RNF10: variants seen among roughly 807,000 people sequenced by gnomAD.
RNF10 encodes the protein E3 ubiquitin-protein ligase RNF10.
In RNF10, 38 loss-of-function variants were observed where a neutral mutation model predicts 91.4. That is an observed-to-expected ratio of 0.42 (90% CI 0.32 to 0.54). The LOEUF is 0.54. Ranked by LOEUF, RNF10 falls within the 20% of genes least tolerant of loss-of-function variation. The probability of loss-of-function intolerance (pLI) is 0.16; values close to 1 mark genes in which losing one functional copy is unlikely to be tolerated. For synonymous variants in RNF10, 364 were observed against 366.3 expected, an observed-to-expected ratio of 0.99 and a Z score of 0.07; for missense variants, 945 against 1,012.0, an observed-to-expected ratio of 0.93 and a Z score of 0.90.
intron 12 of RNF10, among the ~76,000 whole-genome samples, chr12:120,566,201 T>C (rs536979143): frequency 7.9e-5 from 12 of 152,328 alleles, no homozygotes; most frequent in Admixed American, 7.2e-4. Context: ...GTTTGGCACA[T>C]GTCCTGAACT....
chr12:120,542,419 G>A (rs1459985985), intron 1 of RNF10, among the ~76,000 whole-genome samples: 3 of 152,190 alleles, frequency 2.0e-5, no homozygotes, highest in Admixed American at 2.0e-4. Flanking sequence ...TTCCCAAAGT[G>A]TTGAGACAAC....
chr12:120,558,645 T>C (rs1472535101), intron 6 of RNF10, among the ~76,000 whole-genome samples: 6 of 151,634 alleles, frequency 4.0e-5, no homozygotes, highest in Admixed American at 3.9e-4. Flanking sequence ...CTTGGCTCAC[T>C]GCAACCTCTG....
chr12:120,571,155 G>A (rs2280168), intron 13 of RNF10, 36 bp from the exon 14 acceptor site: 184,602 of 1,448,064 alleles, frequency 0.13, 17,161 homozygotes, highest in African/African-American at 0.48. Flanking sequence ...CCCTTGGAAC[G>A]TGACGAATAT....
Position 120,566,884 on chromosome 12 carries a change from A to G in RNF10, c.1945A>G (p.Thr649Ala), listed in dbSNP as rs574045769. ...LQQFPAFNSY[T>A]CSSDSALGPT... is the part of the protein sequence containing the mutation. ...GCAGTTTCCTGCCTTCAATTCTTATACCTGCTCCTCTGATTCTGCTTTGGG... is the reference window on the plus strand; with the variant it reads ...GCAGTTTCCTGCCTTCAATTCTTATGCCTGCTCCTCTGATTCTGCTTTGGG... The change falls in exon 13 of 17, where the codon ACC becomes GCC. Residue 649 changes from threonine to alanine, a missense_variant. Physicochemically the swap from Thr to Ala is moderately conservative, Grantham distance 58. Transcript: ENST00000325954. The G allele has an allele frequency of 2.5e-5, 41 of 1,613,894 alleles. 2 individuals carry two copies. The South Asian group carries it at 4.3e-4, about 17-fold the overall frequency.
intron 1 of RNF10, among the ~76,000 whole-genome samples, chr12:120,544,678 A>T (rs1872048899): frequency 1.3e-5 from 2 of 152,120 alleles, no homozygotes. Flanking sequence ...GTGCATAAGT[A>T]ATTATTATGT....
chr12:120,549,096 G>A (rs1872689526), intron 2 of RNF10, among the ~76,000 whole-genome samples: 1 of 152,184 alleles, frequency 6.6e-6, no homozygotes, highest in Non-Finnish European at 1.5e-5. Flanking sequence ...TTGAGATCTA[G>A]TGAGAAGTGG....
chr12:120,553,069 T>G (rs1395251610), intron 3 of RNF10, among the ~76,000 whole-genome samples: 679 of 5,172 alleles, frequency 0.13, 158 homozygotes, highest in African/African-American at 0.26. Context: ...TTTTTTTTTT[T>G]TTTTTTTTTT....
At chr12:120,542,737 A>G (rs987438109) in intron 1 of RNF10, among the ~76,000 whole-genome samples, 2 of 150,846 alleles carry the variant, frequency 1.3e-5, no homozygotes, top group Non-Finnish European at 3.0e-5. Context: ...ATTTCTAGTA[A>G]AGATGGGGCT....
At chr12:120,537,347 C>T (rs73403975) in intron 1 of RNF10, among the ~76,000 whole-genome samples, 22,701 of 151,518 alleles carry the variant, frequency 0.15, 2,021 homozygotes, top group African/African-American at 0.25. Context: ...CTCATGTAGG[C>T]CGGGTGCGGT....
In RNF10 at chr12:120,552,660, A is replaced by T. The variant is rs754983515; in HGVS notation, c.516A>T (p.Gly172=). Residue 172 remains glycine (G), a synonymous_variant, in exon 3 of 17, where the codon GGA becomes GGT. Transcript: ENST00000325954. Reference sequence around the variant, plus strand: ...GCTGGGGAAAGAGGAACAAGTGGGGACATAAGCCTTTTAACAAGGAACTCT... The same window carrying T: ...GCTGGGGAAAGAGGAACAAGTGGGGTCATAAGCCTTTTAACAAGGAACTCT... ...HGSWGKRNKW[G]HKPFNKELFL... is the part of the protein sequence containing the mutation. 1 of 1,614,176 alleles carries T rather than the reference A, an allele frequency of 6.2e-7. No individual in the cohort carries two copies. Among genetic ancestry groups the T allele is most frequent in the East Asian group, 2.2e-5 (1 of 44,894 alleles).
chr12:120,569,704 A>G (rs1416650453), intron 13 of RNF10, among the ~76,000 whole-genome samples: 1 of 151,032 alleles, frequency 6.6e-6, no homozygotes, highest in Non-Finnish European at 1.5e-5. Flanking sequence ...TACCCTGCTA[A>G]TTTTTGTATT....
rs1290051468 is a variant in RNF10, at chr12:120,553,081, T to G, written c.554+383T>G. Among the ~76,000 whole-genome samples the G allele has an allele frequency of 5.0e-3, 104 of 20,918 alleles. 12 individuals carry two copies. Among genetic ancestry groups the G allele is most frequent in the African/African-American group, 0.013 (102 of 8,028 alleles). 13.7% of individuals were successfully genotyped at this position (20,918 alleles called of 152,430 possible). A position where few individuals can be genotyped will look rare whatever the true frequency, so the allele number is the denominator to read the frequency against. ...TTTTTTTTTTTTTTTTTTTTTTTTT[T>G]TTTTTTTTTTTTTTTTTTTTGAGAT... is the stretch of plus-strand genomic sequence containing the variant. On this transcript the variant is annotated intron_variant, in intron 3 of 16. Coordinates refer to ENST00000325954, the MANE Select transcript of RNF10 (RefSeq NM_014868.5).
chr12:120,556,558 G>C (rs887884621), intron 4 of RNF10, among the ~76,000 whole-genome samples: 1 of 69,684 alleles, frequency 1.4e-5, no homozygotes, highest in African/African-American at 5.8e-5. Context: ...AAAAAAAAAA[G>C]CTTGAACTCT....
intron 6 of RNF10, among the ~76,000 whole-genome samples, chr12:120,558,256 T>TA (rs1206437768): frequency 1.3e-5 from 2 of 152,284 alleles, no homozygotes; most frequent in African/African-American, 4.8e-5. Flanking sequence ...GAAGTAAATG[T>TA]AAAAAATCCA....
chr12:120,556,588 A>G (rs1432186180), intron 4 of RNF10, among the ~76,000 whole-genome samples: 3 of 150,682 alleles, frequency 2.0e-5, no homozygotes, highest in Non-Finnish European at 4.4e-5. Context: ...GAAAATGTAT[A>G]AAATCATCTG....
intron 8 of RNF10, 125 bp downstream of exon 8, chr12:120,563,195 T>C (rs1875160760): frequency 2.0e-6 from 3 of 1,493,914 alleles, no homozygotes; most frequent in African/African-American, 2.8e-5. Context: ...TCTGTATGCT[T>C]GTTATTAGTT....
rs1482844340 is a variant in RNF10 at position 120,576,681 on chromosome 12, G to A, written c.*15G>A. The A allele has an allele frequency of 6.2e-7, 1 of 1,601,002 alleles. No homozygotes were observed. The highest frequency in any genetic ancestry group is 8.5e-7 in the Non-Finnish European group (1 of 1,176,272). On this transcript the variant is annotated 3_prime_UTR_variant, in exon 17 of 17. Coordinates refer to ENST00000325954, the MANE Select transcript of RNF10 (RefSeq NM_014868.5). Reference sequence around the variant, plus strand: ...ACACCAAGTGACACTACTGGCCCAGGCTACCTTCTCCATCTGGTTTTTGTT... The same window carrying A: ...ACACCAAGTGACACTACTGGCCCAGACTACCTTCTCCATCTGGTTTTTGTT...
chr12:120,571,115 G>A lies in RNF10; in HGVS notation c.2042-76G>A. On this transcript the variant is annotated intron_variant, in intron 13 of 16. Coordinates refer to ENST00000325954, the MANE Select transcript of RNF10 (RefSeq NM_014868.5). Reference sequence around the variant, plus strand: ...TTTGTAATTTTCCAGACCTGACTCAGGGCTCACTCATCTCTCTTGTTAAGG... The same window carrying A: ...TTTGTAATTTTCCAGACCTGACTCAAGGCTCACTCATCTCTCTTGTTAAGG... 3.3e-6 allele frequency: 3 copies of A among 912,572 alleles called. 1 individual carries two copies. In the South Asian group the frequency reaches 4.2e-5, roughly 13 times the overall value. 56.5% of individuals were successfully genotyped at this position (912,572 alleles called of 1,614,324 possible).
chr12:120,565,101 T>C lies in RNF10; in HGVS notation c.1695T>C (p.Ser565=), dbSNP rs756976680. ...EDVRQRHRYL[S]HLPLTCEFSI... ...TTCGACAGCGTCACAGATATCTCTC[T>C]CACTTGCCACTCACCTGTGAGTTCA... Residue 565 remains serine, a synonymous_variant, in exon 11 of 17, where the codon TCT becomes TCC. Coordinates refer to ENST00000325954, the MANE Select transcript of RNF10 (RefSeq NM_014868.5). 3.7e-6 allele frequency: 6 copies of C among 1,613,822 alleles called. No individual in the cohort carries two copies. Among genetic ancestry groups the C allele is most frequent in the African/African-American group, 1.3e-5 (1 of 74,926 alleles).
Sources: allele counts gnomAD v4.1 joint callset (sites outside exome capture counted in the v4.1 genomes callset), GRCh38; gene constraint gnomAD v4.1.1; transcripts MANE v1.5; gene names NCBI Gene and HGNC (gene_info 2026-07-23, HGNC 2026-07-21).